The following ABCB1 variants were observed in gnomAD, a reference collection of about 807,000 sequenced individuals.
The protein encoded by ABCB1 is ATP-dependent translocase ABCB1.
Under a neutral mutation model 142.0 loss-of-function variants are expected in ABCB1, and 69 were observed. The observed-to-expected ratio is 0.49, with a 90% CI of 0.40 to 0.59. The LOEUF (loss-of-function observed/expected upper bound fraction) is 0.59, where lower values mean the gene tolerates loss of function less well. Ranked by LOEUF, ABCB1 falls within the 20% of genes least tolerant of loss-of-function variation. The probability of loss-of-function intolerance (pLI) is 0.00; values close to 1 mark genes in which losing one functional copy is unlikely to be tolerated. For missense variants in ABCB1, 1,326 were observed against 1,554.7 expected, an observed-to-expected ratio of 0.85 and a Z score of 2.47; for synonymous variants, 532 against 539.2, an observed-to-expected ratio of 0.99 and a Z score of 0.18.
At chr7:87,643,247 G>A (rs566013148) in intron 1 of ABCB1, among the ~76,000 whole-genome samples, 42 of 152,032 alleles carry the variant, frequency 2.8e-4, no homozygotes, top group African/African-American at 8.2e-4. Flanking sequence ...TTTACATTGC[G>A]TAAAATTTTT....
intron 8 of ABCB1, among the ~76,000 whole-genome samples, chr7:87,554,708 G>A (rs1304077730): frequency 3.3e-5 from 5 of 152,170 alleles, no homozygotes; most frequent in African/African-American, 7.2e-5. Context: ...ATAGCTGCCA[G>A]CTGCTGAACT....
At chr7:87,598,529 T>C (rs1563069579) in intron 2 of ABCB1, among the ~76,000 whole-genome samples, 3 of 152,202 alleles carry the variant, frequency 2.0e-5, no homozygotes, top group Non-Finnish European at 1.5e-5. Context: ...AATTCTTAGA[T>C]ACAACATTTT....
chr7:87,531,092 A>G (rs1028439941), intron 21 of ABCB1, among the ~76,000 whole-genome samples: 1 of 152,182 alleles, frequency 6.6e-6, no homozygotes, highest in Non-Finnish European at 1.5e-5. Context: ...TGTTAAAGTT[A>G]ATTATCAGTT....
At chr7:87,627,129 G>A (rs539610990) in intron 1 of ABCB1, among the ~76,000 whole-genome samples, 3 of 152,252 alleles carry the variant, frequency 2.0e-5, no homozygotes, top group Admixed American at 2.0e-4. Context: ...CATGGTAGCT[G>A]AAAAGGATGA....
At chr7:87,630,307 A>G (rs1821084795) in intron 1 of ABCB1, among the ~76,000 whole-genome samples, 1 of 152,238 alleles carries the variant, frequency 6.6e-6, no homozygotes, top group African/African-American at 2.4e-5. Context: ...TTGAATTATT[A>G]CAAATGTTTA....
chr7:87,604,886 T>C (rs1819592105), upstream of ABCB1, among the ~76,000 whole-genome samples: 1 of 152,264 alleles, frequency 6.6e-6, no homozygotes, highest in Non-Finnish European at 1.5e-5. Flanking sequence ...TCCGCAATCC[T>C]ACTTTTCAGT....
intron 8 of ABCB1, among the ~76,000 whole-genome samples, chr7:87,558,203 C>T (rs746527319): frequency 6.6e-6 from 1 of 152,212 alleles, no homozygotes; most frequent in Non-Finnish European, 1.5e-5. Flanking sequence ...CAGAAGCAAA[C>T]ATAAATCCTG....
chr7:87,638,317 T>G (rs949985707), intron 1 of ABCB1, among the ~76,000 whole-genome samples: 5 of 151,228 alleles, frequency 3.3e-5, no homozygotes, highest in African/African-American at 1.2e-4. Flanking sequence ...ATTATTTGGC[T>G]TTATAAAACA....
intron 1 of ABCB1, among the ~76,000 whole-genome samples, chr7:87,670,367 C>T (rs1379259287): frequency 6.6e-6 from 1 of 152,212 alleles, no homozygotes; most frequent in Non-Finnish European, 1.5e-5. Context: ...TCCTTCAGCT[C>T]CTGTATCACT....
intron 26 of ABCB1, among the ~76,000 whole-genome samples, 162 bp downstream of exon 26, chr7:87,509,109 CAACT>C (rs1814886276): frequency 6.6e-6 from 1 of 152,168 alleles, no homozygotes; most frequent in Non-Finnish European, 1.5e-5. Flanking sequence ...GTAAAGGTAA[CAACT>C]AACCCAAACA....
chr7:87,518,645 A>T (rs1339418436), intron 23 of ABCB1, among the ~76,000 whole-genome samples: 1 of 152,230 alleles, frequency 6.6e-6, no homozygotes, highest in Non-Finnish European at 1.5e-5. Flanking sequence ...TTATATCGCT[A>T]CTAATTATGT....
At chr7:87,521,340 T>C in intron 21 of ABCB1, 1 of 451,436 alleles carries the variant, frequency 2.2e-6, no homozygotes, top group East Asian at 4.1e-5. Flanking sequence ...ATGCAGGCAA[T>C]AAAAAGTAAA....
intron 8 of ABCB1, among the ~76,000 whole-genome samples, chr7:87,561,027 G>A (rs989041694): frequency 3.3e-5 from 5 of 152,100 alleles, no homozygotes; most frequent in African/African-American, 1.2e-4. Context: ...TCAGTCTTTG[G>A]AAACTATTTT....
At chr7:87,613,013 T>G (rs1819906574) in intron 1 of ABCB1, among the ~76,000 whole-genome samples, 1 of 57,196 alleles carries the variant, frequency 1.7e-5, no homozygotes. Context: ...TTTGGTGGGT[T>G]TTTTTTTTTT....
At chr7:87,523,118 A>G (rs550159511) in intron 21 of ABCB1, among the ~76,000 whole-genome samples, 2 of 151,400 alleles carry the variant, frequency 1.3e-5, no homozygotes, top group Non-Finnish European at 2.9e-5. Context: ...TTTTTTTTTT[A>G]GAAACGGGGT....
intron 1 of ABCB1, among the ~76,000 whole-genome samples, chr7:87,703,914 G>GTTTTTTT (rs35797972): frequency 8.0e-3 from 343 of 42,966 alleles, no homozygotes; most frequent in Middle Eastern, 0.021. Context: ...TTTTTTTTTG[G>GTTTTTTT]TTTTTTTTTT....
chr7:87,690,223 A>C (rs1224288376), intron 1 of ABCB1, among the ~76,000 whole-genome samples: 1 of 152,164 alleles, frequency 6.6e-6, no homozygotes, highest in East Asian at 1.9e-4. Flanking sequence ...ATTATCCATA[A>C]ATTCAAATAC....
chr7:87,589,183 A>C (rs903526719), intron 3 of ABCB1, among the ~76,000 whole-genome samples: 1 of 152,150 alleles, frequency 6.6e-6, no homozygotes, highest in Non-Finnish European at 1.5e-5. Context: ...TAGGAAGGAG[A>C]CTTTAGGGGA....
intron 3 of ABCB1, among the ~76,000 whole-genome samples, chr7:87,587,874 C>CAA (rs35238388): frequency 0.014 from 1,188 of 81,966 alleles, 39 homozygotes; most frequent in African/African-American, 0.052. Context: ...GACTCTGTCT[C>CAA]AAAAAAAAAA....
Sources: allele counts gnomAD v4.1 joint callset (sites outside exome capture counted in the v4.1 genomes callset), GRCh38; gene constraint gnomAD v4.1.1; transcripts MANE v1.5; gene names NCBI Gene and HGNC (gene_info 2026-07-23, HGNC 2026-07-21).